The following CPA3 variants were observed in gnomAD, a reference collection of about 807,000 sequenced individuals.
CPA3 encodes carboxypeptidase A3, also known as mast cell carboxypeptidase A.
CPA3 carries 52 observed loss-of-function variants against 55.8 expected under a neutral mutation model. That is an observed-to-expected ratio of 0.93 (90% CI 0.75 to 1.17). The LOEUF (loss-of-function observed/expected upper bound fraction) is 1.17. Among genes scored for constraint, CPA3 ranks in the 50% most tolerant of loss-of-function variants. The pLI is 0.00. For missense variants in CPA3, 547 were observed against 509.1 expected (o/e 1.07, Z -0.72); for synonymous variants, 179 against 171.2 (o/e 1.05, Z -0.36).
chr3:148,888,322 T>C (rs1462215969), intron 10 of CPA3, among the ~76,000 whole-genome samples: 1 of 152,204 alleles, frequency 6.6e-6, no homozygotes, highest in African/African-American at 2.4e-5. Flanking sequence ...AATGGACAAG[T>C]CCCTTTCCTC....
rs144470644 is a variant in CPA3 at position 148,883,729 on chromosome 3, G to A, written c.895G>A (p.Val299Ile). 4 of 1,613,846 alleles carry A rather than the reference G, an allele frequency of 2.5e-6. No homozygotes were observed. The highest frequency in any genetic ancestry group is 2.7e-5 in the African/African-American group (2 of 74,878). Residue 299 changes from valine (V) to isoleucine (I), a missense_variant, in exon 9 of 11, where the codon GTT (valine) becomes ATT (isoleucine). Val to Ile is a conservative substitution (Grantham distance 29, BLOSUM62 3). Coordinates refer to ENST00000296046, the MANE Select transcript of CPA3 (RefSeq NM_001870.4). ...FIRSHLNEIK[V>I]YITFHSYSQM... is the part of the protein sequence containing the mutation. The stretch of plus-strand genomic sequence containing the variant: ...TAGAAGCCACCTGAATGAAATCAAG[G>A]TTTACATCACCTTCCATTCCTACTC...
At chr3:148,893,530 A>C (rs1027761780) in intron 10 of CPA3, among the ~76,000 whole-genome samples, 1 of 152,190 alleles carries the variant, frequency 6.6e-6, no homozygotes, top group South Asian at 2.1e-4. Context: ...TCAGGAACAA[A>C]TGGCATAATA....
chr3:148,868,971 T>G lies in CPA3; in HGVS notation c.201T>G (p.Asp67Glu), dbSNP rs767282280. The change falls in exon 3 of 11, where the codon GAT becomes GAG. Residue 67 changes from aspartate (D) to glutamate (E), a missense_variant. By Grantham distance (45) the Asp-to-Glu change is conservative. Transcript: ENST00000296046. ...ACGTAGCTGCTAATATGATGGTGGA[T>G]TTCCGAGTTAGTGAGAAGGAATCCC... ...THHVAANMMV[D>E]FRVSEKESQA... The G allele has an allele frequency of 1.7e-5, 28 of 1,614,076 alleles. No individual in the cohort carries two copies. The highest frequency in any genetic ancestry group is 2.3e-5 in the Non-Finnish European group (27 of 1,179,976).
chr3:148,893,089 A>C (rs1714721957), intron 10 of CPA3, among the ~76,000 whole-genome samples: 1 of 152,232 alleles, frequency 6.6e-6, no homozygotes, highest in Non-Finnish European at 1.5e-5. Flanking sequence ...TATTTAATGT[A>C]ATAGCTAAAA....
rs370488172 is a variant in CPA3, at chr3:148,882,481, C to T, written c.688-24C>T. ...AAAATGCAAACTGATCTTGTGTAAA[C>T]ACTTACGTCATTCAATCTGGCAGAA... is the stretch of plus-strand genomic sequence containing the variant. On this transcript the variant is annotated intron_variant, in intron 7 of 10. Transcript: ENST00000296046. The T allele has an allele frequency of 1.3e-4, 202 of 1,596,354 alleles. No individual in the cohort carries two copies. In the African/African-American group the frequency reaches 2.3e-3, roughly 18 times the overall value.
chr3:148,870,950 GT>G (rs1553768820), intron 3 of CPA3, among the ~76,000 whole-genome samples: 1 of 152,196 alleles, frequency 6.6e-6, no homozygotes, highest in Non-Finnish European at 1.5e-5. Flanking sequence ...CCAGACTGGA[GT>G]GCAGTGGCGC....
chr3:148,886,121 T>C lies in CPA3; in HGVS notation c.1010T>C (p.Val337Ala), dbSNP rs1714520684. ...AAAGTTGCAAAGATTGGCACTGATG[T>C]TCTATCAACTCGATATGAAACCCGC... ...LAKVAKIGTD[V>A]LSTRYETRYI... Residue 337 changes from valine (V) to alanine (A), a missense_variant, in exon 10 of 11, where the codon GTT becomes GCT. Val to Ala is a moderately conservative substitution (Grantham distance 64). Coordinates refer to ENST00000296046, the MANE Select transcript of CPA3 (RefSeq NM_001870.4). The C allele has an allele frequency of 1.9e-6, 3 of 1,613,742 alleles. No individual in the cohort carries two copies. In the East Asian group the frequency reaches 6.7e-5, roughly 36 times the overall value.
rs780407850 is a variant in CPA3, at chr3:148,883,866, C to A, written c.981+51C>A. ...ATGCATCGACAATACCATTGACTTT[C>A]AGTCTGTTCTTCATTAACTTGGGTA... On this transcript the variant is annotated intron_variant, in intron 9 of 10. Transcript: ENST00000296046. The A allele has an allele frequency of 7.5e-6, 10 of 1,328,874 alleles. No homozygotes were observed. The African/African-American group carries it at 1.3e-4, about 17-fold the overall frequency. The allele number at this position is 1,328,874 out of a possible 1,614,324, so 82.3% of individuals were successfully genotyped here.
At position 148,881,513 on chromosome 3, in the gene CPA3, C is replaced by T; in HGVS notation, c.577-9C>T. The T allele has an allele frequency of 6.3e-7, 1 of 1,588,924 alleles. No individual in the cohort carries two copies. The highest frequency in any genetic ancestry group is 8.6e-7 in the Non-Finnish European group (1 of 1,159,742). On this transcript the variant is annotated splice_polypyrimidine_tract_variant and intron_variant, in intron 6 of 10. Coordinates refer to ENST00000296046, the MANE Select transcript of CPA3 (RefSeq NM_001870.4). ...TACCAATAGCTTAATTTTTTTTCAC[C>T]TCCGACAGGCAACCAAAACTTATGG...
Position 148,865,453 on chromosome 3 carries a change from T to C in CPA3, c.69-20T>C. The C allele has an allele frequency of 6.2e-7, 1 of 1,613,854 alleles. No homozygotes were observed. Among genetic ancestry groups the C allele is most frequent in the Non-Finnish European group, 8.5e-7 (1 of 1,179,922 alleles). On this transcript the variant is annotated intron_variant, in intron 1 of 10. Transcript: ENST00000296046. ...GTTTCCTTACAGTTCACTTTTTTTTTTTCATTTGCCTCCACAAAGGGAGAA... is the reference window on the plus strand; with the variant it reads ...GTTTCCTTACAGTTCACTTTTTTTTCTTCATTTGCCTCCACAAAGGGAGAA...
Position 148,886,176 on chromosome 3 carries a change from T to G in CPA3, c.1065T>G (p.Ile355Met). 1 of 1,597,562 alleles carries G rather than the reference T, an allele frequency of 6.3e-7. No individual in the cohort carries two copies. The highest frequency in any genetic ancestry group is 8.6e-7 in the Non-Finnish European group (1 of 1,166,594). The change falls in exon 10 of 11, where the codon ATT becomes ATG. Residue 355 changes from isoleucine (I) to methionine (M), a missense_variant and splice_region_variant. Physicochemically the swap from Ile to Met is conservative, Grantham distance 10. Transcript: ENST00000296046. ...TCTATGGCCCAATAGAATCAACAAT[T>G]TGTAAGTCATTCCTCTTATTTACTG... Reference protein sequence around the residue: ...RYIYGPIESTIYPISGSSLDW... With the variant: ...RYIYGPIESTMYPISGSSLDW...
chr3:148,873,814 C>A lies in CPA3; in HGVS notation c.270-4627C>A, dbSNP rs540583593. On this transcript the variant is annotated intron_variant, in intron 3 of 10. Coordinates refer to ENST00000296046, the MANE Select transcript of CPA3 (RefSeq NM_001870.4). ...GAGCTGATAATGGTACCCAGTTAATCATGTTGAGTGATAAAATGTAAATAC... is the reference window on the plus strand; with the variant it reads ...GAGCTGATAATGGTACCCAGTTAATAATGTTGAGTGATAAAATGTAAATAC... Among the ~76,000 whole-genome samples the A allele has an allele frequency of 1.1e-4, 17 of 152,262 alleles. 1 individual carries two copies. In the South Asian group the frequency reaches 3.5e-3, roughly 32 times the overall value.
chr3:148,865,688 C>A, intron 2 of CPA3, 140 bp downstream of exon 2: 1 of 756,418 alleles, frequency 1.3e-6, no homozygotes, highest in Non-Finnish European at 2.1e-6. Flanking sequence ...ATAATTCAGC[C>A]AATGGCCAAT....
intron 10 of CPA3, among the ~76,000 whole-genome samples, chr3:148,887,649 T>TA (rs1371298594): frequency 2.0e-5 from 3 of 152,348 alleles, no homozygotes; most frequent in African/African-American, 7.2e-5. Flanking sequence ...TTTCTGCTCT[T>TA]ACAGCAACTC....
At chr3:148,883,459 T>C (rs1714429162) in intron 8 of CPA3, among the ~76,000 whole-genome samples, 154 bp from the exon 9 acceptor site, 1 of 152,204 alleles carries the variant, frequency 6.6e-6, no homozygotes, top group African/African-American at 2.4e-5. Flanking sequence ...TGTTAATCTG[T>C]AGTGACTATG....
intron 3 of CPA3, among the ~76,000 whole-genome samples, chr3:148,876,128 A>G (rs1714194906): frequency 6.6e-6 from 1 of 151,910 alleles, no homozygotes; most frequent in South Asian, 2.1e-4. Context: ...GTGTAATCAA[A>G]GTAAATGGTT....
rs1036713475 is a variant in CPA3, at chr3:148,887,893, T to C, written c.1066+1716T>C. Among the ~76,000 whole-genome samples, 3 of 152,226 alleles carry C rather than the reference T, an allele frequency of 2.0e-5. No homozygotes were observed. In the South Asian group the frequency reaches 6.2e-4, roughly 32 times the overall value. On this transcript the variant is annotated intron_variant, in intron 10 of 10. Coordinates refer to ENST00000296046, the MANE Select transcript of CPA3 (RefSeq NM_001870.4). ...TGCTCAATGATAATGGTGTCCTGGC[T>C]TATTCAAAAGAAGTGAATGTGAGTT...
chr3:148,892,003 C>T (rs1714684535), intron 10 of CPA3, among the ~76,000 whole-genome samples: 1 of 151,940 alleles, frequency 6.6e-6, no homozygotes, highest in South Asian at 2.1e-4. Flanking sequence ...TATTTCAGCT[C>T]ACGTGCTCCA....
intron 3 of CPA3, among the ~76,000 whole-genome samples, chr3:148,872,173 A>G (rs923836398): frequency 6.6e-6 from 1 of 152,212 alleles, no homozygotes; most frequent in African/African-American, 2.4e-5. Flanking sequence ...TATTTACAAA[A>G]TCATAAAAGG....
Sources: allele counts gnomAD v4.1 joint callset (sites outside exome capture counted in the v4.1 genomes callset), GRCh38; gene constraint gnomAD v4.1.1; transcripts MANE v1.5; gene names NCBI Gene and HGNC (gene_info 2026-07-23, HGNC 2026-07-21).